KIAA1328: variants seen among roughly 807,000 people sequenced by gnomAD.
KIAA1328 encodes KIAA1328.
A neutral mutation model predicts 68.1 loss-of-function variants in KIAA1328; 52 were observed. The observed-to-expected ratio is 0.76, with a 90% CI of 0.61 to 0.96. The LOEUF (loss-of-function observed/expected upper bound fraction) is 0.96. Ranked by LOEUF, KIAA1328 falls within the 40% of genes least tolerant of loss-of-function variation. The pLI is 0.00. For synonymous variants in KIAA1328, 232 were observed against 239.4 expected, an observed-to-expected ratio of 0.97 and a Z score of 0.28; for missense variants, 641 against 677.6, an observed-to-expected ratio of 0.95 and a Z score of 0.60.
intron 9 of KIAA1328, among the ~76,000 whole-genome samples, chr18:37,216,602 T>C (rs2060439610): frequency 6.6e-6 from 1 of 152,170 alleles, no homozygotes; most frequent in Non-Finnish European, 1.5e-5. Context: ...AGAGTGTATA[T>C]TCTGTTGATT....
At chr18:37,191,938 GGTATAA>G (rs2059912163) in intron 9 of KIAA1328, among the ~76,000 whole-genome samples, 1 of 152,130 alleles carries the variant, frequency 6.6e-6, no homozygotes, top group African/African-American at 2.4e-5. Flanking sequence ...AGGGCAGAGT[GGTATAA>G]TCTGCTGTGT....
intron 9 of KIAA1328, among the ~76,000 whole-genome samples, chr18:37,219,563 G>C (rs117841790): frequency 2.0e-5 from 3 of 152,192 alleles, no homozygotes; most frequent in African/African-American, 7.2e-5. Flanking sequence ...CCAGGCTGCT[G>C]TCTCGCGGGT....
chr18:36,913,659 C>G (rs565006468), intron 5 of KIAA1328, among the ~76,000 whole-genome samples: 1 of 151,022 alleles, frequency 6.6e-6, no homozygotes, highest in African/African-American at 2.4e-5. Context: ...TGTCTCCAAA[C>G]AATTATGTAA....
chr18:36,994,088 C>T (rs1047360787), intron 6 of KIAA1328, among the ~76,000 whole-genome samples: 2 of 151,916 alleles, frequency 1.3e-5, no homozygotes, highest in East Asian at 3.9e-4. Context: ...GAATATTTTC[C>T]ATTTCAAGAA....
intron 6 of KIAA1328, among the ~76,000 whole-genome samples, chr18:37,052,667 T>C (rs572072501): frequency 6.6e-6 from 1 of 151,754 alleles, no homozygotes; most frequent in South Asian, 2.1e-4. Flanking sequence ...AGAATCGGCA[T>C]TCAAAAAACC....
intron 8 of KIAA1328, among the ~76,000 whole-genome samples, chr18:37,169,616 T>G (rs953411061): frequency 6.6e-6 from 1 of 152,148 alleles, no homozygotes; most frequent in East Asian, 1.9e-4. Flanking sequence ...TAAATAAAAT[T>G]TATAAATGGA....
At chr18:37,096,072 G>A (rs2057396136) in intron 7 of KIAA1328, among the ~76,000 whole-genome samples, 1 of 151,840 alleles carries the variant, frequency 6.6e-6, no homozygotes, top group South Asian at 2.1e-4. Context: ...AAGGAGAACT[G>A]ACACCAATTC....
intron 7 of KIAA1328, among the ~76,000 whole-genome samples, chr18:37,089,924 C>T (rs996064029): frequency 2.0e-5 from 3 of 152,170 alleles, no homozygotes; most frequent in African/African-American, 7.2e-5. Context: ...CTTTTGAAAT[C>T]ATTACCATCT....
At chr18:37,011,422 T>C (rs752992600) in intron 6 of KIAA1328, among the ~76,000 whole-genome samples, 1 of 152,170 alleles carries the variant, frequency 6.6e-6, no homozygotes, top group Admixed American at 6.6e-5. Flanking sequence ...CCAAATCCAG[T>C]GCACTCTTCA....
chr18:36,876,333 T>C (rs984701595), intron 4 of KIAA1328, among the ~76,000 whole-genome samples: 1 of 152,178 alleles, frequency 6.6e-6, no homozygotes, highest in African/African-American at 2.4e-5. Context: ...AGGCTATTAA[T>C]TACTGCCTCA....
At chr18:37,077,556 G>C (rs1424939030) in intron 7 of KIAA1328, among the ~76,000 whole-genome samples, 1 of 151,982 alleles carries the variant, frequency 6.6e-6, no homozygotes, top group Non-Finnish European at 1.5e-5. Context: ...CCTGTTTGCA[G>C]ATGAAATGAT....
intron 9 of KIAA1328, among the ~76,000 whole-genome samples, chr18:37,185,773 T>A (rs151238600): frequency 2.6e-5 from 4 of 151,908 alleles, no homozygotes; most frequent in Non-Finnish European, 1.5e-5. Flanking sequence ...TTTAATATAT[T>A]TAACATTTTC....
At chr18:36,877,514 GT>G (rs34759198) in intron 4 of KIAA1328, among the ~76,000 whole-genome samples, 29,175 of 119,030 alleles carry the variant, frequency 0.25, 3,770 homozygotes, top group African/African-American at 0.45. Flanking sequence ...TTTTTTGTTG[GT>G]TTTTTTTTTT....
chr18:37,225,020 A>G lies in KIAA1328; in HGVS notation c.*2793A>G. The G allele has an allele frequency of 2.0e-6, 2 of 985,366 alleles. No homozygotes were observed. The highest frequency in any genetic ancestry group is 2.4e-6 in the Non-Finnish European group (2 of 829,906). 61.0% of individuals were successfully genotyped at this position (985,366 alleles called of 1,614,324 possible). ...TGTTTATCCAAACCTGATCCCCATG[A>G]TGGGGACTTTTCTAGAGCACCCCAA... On this transcript the variant is annotated 3_prime_UTR_variant, in exon 10 of 10. Coordinates refer to ENST00000280020, the MANE Select transcript of KIAA1328 (RefSeq NM_020776.3).
At chr18:36,837,209 A>G (rs1014081489) in intron 3 of KIAA1328, among the ~76,000 whole-genome samples, 1 of 152,154 alleles carries the variant, frequency 6.6e-6, no homozygotes, top group Non-Finnish European at 1.5e-5. Flanking sequence ...GTTACATTCG[A>G]CTAGCAATGT....
intron 5 of KIAA1328, among the ~76,000 whole-genome samples, chr18:36,928,648 T>G (rs1365940293): frequency 1.3e-5 from 2 of 152,190 alleles, no homozygotes; most frequent in African/African-American, 4.8e-5. Context: ...TTCAGCAATC[T>G]AACTATGGTA....
chr18:36,980,158 G>C (rs2052627808), intron 6 of KIAA1328, among the ~76,000 whole-genome samples: 1 of 152,124 alleles, frequency 6.6e-6, no homozygotes, highest in Non-Finnish European at 1.5e-5. Flanking sequence ...ACCATCTCCT[G>C]AACTATGAGA....
At chr18:36,986,150 A>G (rs2052914200) in intron 6 of KIAA1328, among the ~76,000 whole-genome samples, 2 of 151,970 alleles carry the variant, frequency 1.3e-5, no homozygotes, top group Admixed American at 6.6e-5. Flanking sequence ...ACACACTGGT[A>G]TTCACAGCAG....
intron 7 of KIAA1328, among the ~76,000 whole-genome samples, chr18:37,096,992 A>G (rs931495495): frequency 1.3e-5 from 2 of 152,120 alleles, no homozygotes; most frequent in Admixed American, 1.3e-4. Context: ...TCAGATGAGT[A>G]GATTGCAAAA....
Sources: gnomAD v4.1 joint callset for allele counts (sites outside exome capture counted in the v4.1 genomes callset) on GRCh38, gnomAD v4.1.1 for gene constraint, MANE v1.5 for transcripts, NCBI Gene and HGNC (gene_info 2026-07-23, HGNC 2026-07-21) for gene names.